The following TMPRSS11E variants were observed in gnomAD, a reference collection of about 807,000 sequenced individuals.
TMPRSS11E encodes the protein transmembrane protease serine 11E.
TMPRSS11E carries 38 observed loss-of-function variants against 48.1 expected under a neutral mutation model. The ratio of observed to expected loss-of-function variants is 0.79; its 90% CI spans 0.61 to 1.04. The LOEUF (loss-of-function observed/expected upper bound fraction) is 1.04. Among genes scored for constraint, TMPRSS11E ranks in the 50% least tolerant of loss-of-function variants. The probability of loss-of-function intolerance (pLI) is 0.00; values close to 1 mark genes in which losing one functional copy is unlikely to be tolerated. For synonymous variants in TMPRSS11E, 158 were observed against 171.9 expected (o/e 0.92, Z 0.63); for missense variants, 530 against 510.8 (o/e 1.04, Z -0.36).
At chr4:68,461,720 T>C in intron 1 of TMPRSS11E, 101 bp from the exon 2 acceptor site, 1 of 1,564,636 alleles carries the variant, frequency 6.4e-7, no homozygotes, top group Non-Finnish European at 8.7e-7. Context: ...TACACGACCC[T>C]CCAACTGAAT....
intron 9 of TMPRSS11E, among the ~76,000 whole-genome samples, chr4:68,481,986 A>G (rs1729414441): frequency 6.6e-6 from 1 of 152,156 alleles, no homozygotes. Context: ...CAAAAAGCCA[A>G]TATTAGGTAA....
rs186043342 is a variant in TMPRSS11E, at chr4:68,489,998, C to T, written c.1111-6645C>T. Among the ~76,000 whole-genome samples the T allele has an allele frequency of 4.7e-4, 71 of 152,294 alleles. No individual in the cohort carries two copies. The East Asian group carries it at 0.013, about 27-fold the overall frequency. Reference sequence around the variant, plus strand: ...TCTTTCAACTCTCCAGGCTGTTCTCCCTGCCACCTTAACTGTCCATGGGGG... The same window carrying T: ...TCTTTCAACTCTCCAGGCTGTTCTCTCTGCCACCTTAACTGTCCATGGGGG... On this transcript the variant is annotated intron_variant, in intron 9 of 9. Transcript: ENST00000305363.
At chr4:68,465,830 T>C (rs1047803497) in intron 2 of TMPRSS11E, among the ~76,000 whole-genome samples, 1 of 152,200 alleles carries the variant, frequency 6.6e-6, no homozygotes, top group Non-Finnish European at 1.5e-5. Context: ...TGGTTGGCAT[T>C]AATATTTGTT....
intron 9 of TMPRSS11E, 149 bp downstream of exon 9, chr4:68,479,140 A>G (rs924463171): frequency 1.8e-5 from 16 of 890,042 alleles, no homozygotes; most frequent in Non-Finnish European, 2.8e-5. Flanking sequence ...TCACATAACT[A>G]TAGTTCAATA....
At position 68,468,899 on chromosome 4, in the gene TMPRSS11E, A is replaced by G. The variant is rs769375785; in HGVS notation, c.279A>G (p.Lys93=). 5 of 1,609,812 alleles carry G rather than the reference A, an allele frequency of 3.1e-6. No homozygotes were observed. Among genetic ancestry groups the G allele is most frequent in the South Asian group, 2.2e-5 (2 of 90,944 alleles). ...AACAGGTGAAAAATGCATTTTATAA[A>G]TCTCCATTAAGGGAAGAATTTGTCA... is the stretch of plus-strand genomic sequence containing the variant. ...LESMVKNAFY[K]SPLREEFVKS... The change falls in exon 4 of 10, where the codon AAA becomes AAG. Residue 93 remains lysine, a synonymous_variant. Coordinates refer to ENST00000305363, the MANE Select transcript of TMPRSS11E (RefSeq NM_014058.4).
chr4:68,496,444 A>G (rs1377743361), intron 9 of TMPRSS11E, among the ~76,000 whole-genome samples, 199 bp from the exon 10 acceptor site: 1 of 152,108 alleles, frequency 6.6e-6, no homozygotes, highest in Non-Finnish European at 1.5e-5. Flanking sequence ...TCAAGGTTTC[A>G]ATCTCATCAG....
At chr4:68,448,526 C>T (rs944018109) in intron 1 of TMPRSS11E, among the ~76,000 whole-genome samples, 1 of 151,872 alleles carries the variant, frequency 6.6e-6, no homozygotes, top group Non-Finnish European at 1.5e-5. Context: ...GAAAACAGTG[C>T]TTCAAGAAAG....
Position 68,477,506 on chromosome 4 carries a change from A to G in TMPRSS11E, c.845A>G (p.Glu282Gly), listed in dbSNP as rs1729259650. ...PSHDYDISLA[E>G]LSSPVPYTNA... ...CATGACTATGATATTTCTCTTGCAG[A>G]GCTTTCTAGCCCTGTTCCCTACACA... The change falls in exon 8 of 10, where the codon GAG becomes GGG. Residue 282 changes from glutamate to glycine, a missense_variant. Transcript: ENST00000305363. 6.2e-7 allele frequency: 1 copy of G among 1,614,048 alleles called. No individual in the cohort carries two copies. The highest frequency in any genetic ancestry group is 8.5e-7 in the Non-Finnish European group (1 of 1,179,982).
At chr4:68,456,492 A>G (rs1024846032) in intron 1 of TMPRSS11E, among the ~76,000 whole-genome samples, 2 of 151,968 alleles carry the variant, frequency 1.3e-5, no homozygotes, top group African/African-American at 2.4e-5. Flanking sequence ...TATATAATCC[A>G]TGCACGTATA....
intron 1 of TMPRSS11E, among the ~76,000 whole-genome samples, chr4:68,448,448 G>A (rs912979970): frequency 1.1e-4 from 17 of 151,902 alleles, no homozygotes; most frequent in African/African-American, 3.6e-4. Flanking sequence ...CCTGCCTTTT[G>A]CAAGTATTTC....
chr4:68,461,852 T>A lies in TMPRSS11E; in HGVS notation c.43T>A (p.Cys15Ser), dbSNP rs1377650006. The change falls in exon 2 of 10, where the codon TGT becomes AGT. Residue 15 changes from cysteine to serine, a missense_variant. Physicochemically the swap from Cys to Ser is moderately radical, Grantham distance 112. Transcript: ENST00000305363. ...TGTGGTGAGGGCTAGGAAAAGAGTT[T>A]GTTGGGAACCCTGGGTTATCGGCCT... ...PDVVRARKRV[C>S]WEPWVIGLVI... is the part of the protein sequence containing the mutation. 6.2e-7 allele frequency: 1 copy of A among 1,614,228 alleles called. No individual in the cohort carries two copies.
At chr4:68,460,070 T>A (rs1036636441) in intron 1 of TMPRSS11E, among the ~76,000 whole-genome samples, 5 of 152,102 alleles carry the variant, frequency 3.3e-5, no homozygotes, top group Non-Finnish European at 7.4e-5. Flanking sequence ...GAGAGTAAGA[T>A]AAAAGCTTCC....
At chr4:68,470,633 ACT>A (rs1729040075) in intron 4 of TMPRSS11E, among the ~76,000 whole-genome samples, 1 of 151,794 alleles carries the variant, frequency 6.6e-6, no homozygotes, top group Non-Finnish European at 1.5e-5. Flanking sequence ...CAAAAATAAG[ACT>A]CTAATTTGTA....
At chr4:68,488,644 T>G in intron 9 of TMPRSS11E, among the ~76,000 whole-genome samples, 1 of 151,730 alleles carries the variant, frequency 6.6e-6, no homozygotes, top group Non-Finnish European at 1.5e-5. Context: ...GTTAATGCCA[T>G]TCTCCTGCCT....
rs1415393110 is a variant in TMPRSS11E, at chr4:68,471,586, A to T, written c.453A>T (p.Gly151=). 6.2e-7 allele frequency: 1 copy of T among 1,609,404 alleles called. No homozygotes were observed. Among genetic ancestry groups the T allele is most frequent in the East Asian group, 2.2e-5 (1 of 44,700 alleles). The change falls in exon 5 of 10, where the codon GGA becomes GGT. Residue 151 remains glycine, a synonymous_variant. Coordinates refer to ENST00000305363, the MANE Select transcript of TMPRSS11E (RefSeq NM_014058.4). The stretch of plus-strand genomic sequence containing the variant: ...ATGAAAAGCTGCAAGATGCTGTAGG[A>T]CCCCCTAAAGTAGATCCTCACTCAG... ...VLHEKLQDAV[G]PPKVDPHSVK... is the part of the protein sequence containing the mutation.
intron 9 of TMPRSS11E, among the ~76,000 whole-genome samples, chr4:68,482,221 T>G (rs1009253486): frequency 1.3e-5 from 2 of 152,066 alleles, no homozygotes; most frequent in Admixed American, 6.5e-5. Context: ...CACTCACTAT[T>G]GCAAAGATAA....
chr4:68,462,825 G>A (rs926891842), intron 2 of TMPRSS11E, among the ~76,000 whole-genome samples: 29 of 152,232 alleles, frequency 1.9e-4, no homozygotes, highest in Middle Eastern at 3.4e-3. Context: ...TTCACCCTGC[G>A]GTTATCAGGT....
intron 6 of TMPRSS11E, 21 bp from the exon 7 acceptor site, chr4:68,476,240 C>T (rs1337980857): frequency 6.8e-6 from 11 of 1,612,238 alleles, no homozygotes; most frequent in Non-Finnish European, 7.6e-6. Flanking sequence ...CACCAATGCA[C>T]CCCCCCTCTC....
rs1215514108 is a variant in TMPRSS11E at position 68,477,423 on chromosome 4, G to A, written c.762G>A (p.Ser254=). 7.4e-6 allele frequency: 12 copies of A among 1,613,810 alleles called. No individual in the cohort carries two copies. Among genetic ancestry groups the A allele is most frequent in the South Asian group, 5.5e-5 (5 of 91,078 alleles). The change falls in exon 8 of 10, where the codon TCG becomes TCA. Residue 254 remains serine (S), a synonymous_variant. Transcript: ENST00000305363. ...TASFGVTIKP[S]KMKRGLRRII... is the part of the protein sequence containing the mutation. ...CCTTTGGAGTAACAATAAAACCTTC[G>A]AAAATGAAACGGGGTCTCCGGAGAA... is the stretch of plus-strand genomic sequence containing the variant.
Sources: allele counts gnomAD v4.1 joint callset (sites outside exome capture counted in the v4.1 genomes callset), GRCh38; gene constraint gnomAD v4.1.1; transcripts MANE v1.5; gene names NCBI Gene and HGNC (gene_info 2026-07-23, HGNC 2026-07-21).